Variants in TIAM1 observed in about 807,000 individuals in gnomAD.
TIAM1 encodes TIAM Rac1 associated GEF 1, also known as rho guanine nucleotide exchange factor TIAM1.
TIAM1 carries 65 observed loss-of-function variants against 163.5 expected under a neutral mutation model. That is an observed-to-expected ratio of 0.40 (90% confidence interval 0.33 to 0.49). The LOEUF is 0.49. Among genes scored for constraint, TIAM1 ranks in the 20% least tolerant of loss-of-function variants. The pLI is 0.77. For missense variants in TIAM1, 1,789 were observed against 2,044.7 expected (o/e 0.87, Z 2.41); for synonymous variants, 833 against 810.1 (o/e 1.03, Z -0.48).
chr21:31,328,838 G>A, intron 2 of TIAM1, among the ~76,000 whole-genome samples: 1 of 151,892 alleles, frequency 6.6e-6, no homozygotes, highest in East Asian at 1.9e-4. Flanking sequence ...TAGAGATGGG[G>A]TCTCGCTATG....
intron 2 of TIAM1, among the ~76,000 whole-genome samples, chr21:31,295,332 T>C (rs368198056): frequency 8.5e-5 from 13 of 152,088 alleles, no homozygotes; most frequent in Non-Finnish European, 1.5e-4. Context: ...TAGTTGGGCG[T>C]GGTGGCAGGC....
At chr21:31,191,244 C>T (rs2085548850) in intron 13 of TIAM1, among the ~76,000 whole-genome samples, 1 of 152,138 alleles carries the variant, frequency 6.6e-6, no homozygotes, top group Non-Finnish European at 1.5e-5. Context: ...TCACTGCAAC[C>T]TCTGCCTCCC....
At chr21:31,193,840 T>A (rs985411567) in intron 13 of TIAM1, among the ~76,000 whole-genome samples, 6 of 152,168 alleles carry the variant, frequency 3.9e-5, no homozygotes, top group African/African-American at 1.4e-4. Flanking sequence ...ATGTTCAAAA[T>A]GGCGGCTCCA....
chr21:31,210,002 C>A lies in TIAM1; in HGVS notation c.2388+43G>T, dbSNP rs746715565. On this transcript the variant is annotated intron_variant, in intron 11 of 27. Coordinates refer to ENST00000541036, the MANE Select transcript of TIAM1 (RefSeq NM_001353694.2). Reference sequence around the variant, plus strand: ...TGTGCCTTAGAAGATTGCTACACCCCATTCTGCTCTTCTTGGAGAAACAAC... The same window carrying A: ...TGTGCCTTAGAAGATTGCTACACCCAATTCTGCTCTTCTTGGAGAAACAAC... 3 of 1,586,268 alleles carry A rather than the reference C, an allele frequency of 1.9e-6. No individual in the cohort carries two copies. The East Asian group carries it at 6.8e-5, about 36-fold the overall frequency.
chr21:31,449,765 T>G (rs754345622), intron 2 of TIAM1, among the ~76,000 whole-genome samples: 1 of 152,196 alleles, frequency 6.6e-6, no homozygotes, highest in Non-Finnish European at 1.5e-5. Flanking sequence ...TCCTGGCAAC[T>G]GTCACAACTC....
chr21:31,197,525 GCCACC>G (rs1601510292), intron 12 of TIAM1, among the ~76,000 whole-genome samples: 2 of 144,150 alleles, frequency 1.4e-5, no homozygotes, highest in East Asian at 4.1e-4. Flanking sequence ...ACAGGCGCCC[GCCACC>G]GCGCCCGGCT....
rs534485516 is a variant in TIAM1 at position 31,388,139 on chromosome 21, G to A, written c.-368-48717C>T. On this transcript the variant is annotated intron_variant, in intron 2 of 28. Transcript: ENST00000286827. ...CTTCTTGTGCTGTCTGCAAAACAACGAGCCAATTAAAGCCCTTTTCTTAAT... is the reference window on the plus strand; with the variant it reads ...CTTCTTGTGCTGTCTGCAAAACAACAAGCCAATTAAAGCCCTTTTCTTAAT... Among the ~76,000 whole-genome samples, 15 of 151,470 alleles carry A rather than the reference G, an allele frequency of 9.9e-5. No homozygotes were observed. In the South Asian group the frequency reaches 2.5e-3, roughly 25 times the overall value.
At chr21:31,220,900 A>G (rs1342479763) in intron 8 of TIAM1, among the ~76,000 whole-genome samples, 3 of 152,190 alleles carry the variant, frequency 2.0e-5, no homozygotes, top group Non-Finnish European at 2.9e-5. Context: ...TCTTTCAAAG[A>G]GTACAGCGAG....
chr21:31,290,844 C>T (rs1437656637), intron 2 of TIAM1, among the ~76,000 whole-genome samples: 2 of 151,904 alleles, frequency 1.3e-5, no homozygotes, highest in East Asian at 1.9e-4. Context: ...ATATCATGTG[C>T]GAGGGCCAAA....
At position 31,182,595 on chromosome 21, in the gene TIAM1, C is replaced by T. The variant is rs760689982; in HGVS notation, c.2713G>A (p.Ala905Thr). The T allele has an allele frequency of 4.7e-5, 76 of 1,613,842 alleles. No homozygotes were observed. In the Middle Eastern group the frequency reaches 1.2e-3, roughly 24 times the overall value. The change falls in exon 15 of 28, where the codon GCC (alanine) becomes ACC (threonine). Residue 905 changes from alanine (A) to threonine (T), a missense_variant. Ala to Thr is a moderately conservative substitution (Grantham distance 58). This residue lies in a region of TIAM1 where 303 missense variants were observed against 321.3 expected (regional missense o/e 0.94). Coordinates refer to ENST00000541036, the MANE Select transcript of TIAM1 (RefSeq NM_001353694.2). ...ILEINNRAAD[A>T]LNSSMLKDFL... ...TCTTTGAGCATAGAAGAGTTCAGGG[C>T]GTCAGCAGCACGATTATTGATCTCA...
intron 13 of TIAM1, among the ~76,000 whole-genome samples, chr21:31,189,591 C>G (rs1227779173): frequency 6.6e-6 from 1 of 151,920 alleles, no homozygotes; most frequent in Non-Finnish European, 1.5e-5. Context: ...AAATGAAAGC[C>G]AAAAATTTAC....
At chr21:31,489,689 A>AG (rs111452654) in intron 1 of TIAM1, among the ~76,000 whole-genome samples, 152,008 of 152,008 alleles carry the variant, frequency 1, 76,004 homozygotes, top group Non-Finnish European at 1. Context: ...CACACCTGTA[A>AG]GGATCCGGTC....
chr21:31,147,281 T>A (rs1286495641), intron 19 of TIAM1, among the ~76,000 whole-genome samples: 1 of 152,130 alleles, frequency 6.6e-6, no homozygotes, highest in African/African-American at 2.4e-5. Flanking sequence ...TAATAACCTA[T>A]CCGGGCTGTT....
At position 31,185,526 on chromosome 21, in the gene TIAM1, A is replaced by G. The variant is rs896397475; in HGVS notation, c.2662+1475T>C. The stretch of plus-strand genomic sequence containing the variant: ...ATATATTTATATATAATATGCTAAT[A>G]TAATATATTATGCCATTATATATTA... On this transcript the variant is annotated intron_variant, in intron 14 of 27. Coordinates refer to ENST00000541036, the MANE Select transcript of TIAM1 (RefSeq NM_001353694.2). Among the ~76,000 whole-genome samples the G allele has an allele frequency of 2.1e-5, 3 of 140,144 alleles. No individual in the cohort carries two copies. The Admixed American group carries it at 2.2e-4, about 10-fold the overall frequency. The allele number at this position is 140,144 out of a possible 152,430, so 91.9% of individuals were successfully genotyped here.
At chr21:31,382,793 T>C (rs919899654) in intron 2 of TIAM1, among the ~76,000 whole-genome samples, 10 of 152,210 alleles carry the variant, frequency 6.6e-5, no homozygotes, top group African/African-American at 2.4e-4. Flanking sequence ...CATGTGATTC[T>C]AGTGTGAAAC....
intron 1 of TIAM1, among the ~76,000 whole-genome samples, chr21:31,545,562 A>G (rs1162148891): frequency 6.6e-6 from 1 of 152,206 alleles, no homozygotes; most frequent in Non-Finnish European, 1.5e-5. Flanking sequence ...AGACACAACC[A>G]TGATTGGGAC....
At chr21:31,390,905 G>A (rs2076954916) in intron 2 of TIAM1, among the ~76,000 whole-genome samples, 1 of 152,142 alleles carries the variant, frequency 6.6e-6, no homozygotes, top group Non-Finnish European at 1.5e-5. Flanking sequence ...AACCAGACCA[G>A]TATTCAAAGA....
chr21:31,525,832 G>C (rs1373792047), intron 1 of TIAM1, among the ~76,000 whole-genome samples: 1 of 151,820 alleles, frequency 6.6e-6, no homozygotes, highest in Non-Finnish European at 1.5e-5. Flanking sequence ...TCAGGAGTTC[G>C]AGGCCAGCCT....
intron 10 of TIAM1, chr21:31,212,538 C>A (rs2086935142): frequency 6.6e-6 from 1 of 150,520 alleles, no homozygotes; most frequent in Admixed American, 6.6e-5. Context: ...TTTTTATGGG[C>A]TTTCAATCAG....
Sources: allele counts gnomAD v4.1 joint callset (sites outside exome capture counted in the v4.1 genomes callset), GRCh38; gene constraint gnomAD v4.1.1; regional missense constraint gnomAD v4.1.1; transcripts MANE v1.5; gene names NCBI Gene and HGNC (gene_info 2026-07-23, HGNC 2026-07-21).